The following EIF4G3 variants were observed in gnomAD, a reference collection of about 807,000 sequenced individuals.
EIF4G3 encodes eIF-4-gamma 3.
In EIF4G3, 34 loss-of-function variants were observed where a neutral mutation model predicts 186.4. The ratio of observed to expected loss-of-function variants is 0.18; its 90% CI spans 0.14 to 0.24. The LOEUF is 0.24. EIF4G3 is among the 10% of genes least tolerant of loss of function. The pLI is 1.00. For synonymous variants in EIF4G3, 673 were observed against 679.5 expected (o/e 0.99, Z 0.15); for missense variants, 1,536 against 1,948.5 (o/e 0.79, Z 3.99).
At chr1:20,840,176 T>A (rs551815755) in intron 30 of EIF4G3, among the ~76,000 whole-genome samples, 1 of 152,354 alleles carries the variant, frequency 6.6e-6, no homozygotes, top group African/African-American at 2.4e-5. Context: ...ATACACCCTA[T>A]GCCTGGGTAA....
chr1:21,016,731 G>C (rs1393723546), intron 4 of EIF4G3, among the ~76,000 whole-genome samples: 1 of 152,024 alleles, frequency 6.6e-6, no homozygotes, highest in Non-Finnish European at 1.5e-5. Flanking sequence ...CCCGAGATAG[G>C]TGGTCAAGAG....
intron 16 of EIF4G3, 87 bp from the exon 17 acceptor site, chr1:20,895,588 C>A: frequency 7.1e-7 from 1 of 1,409,266 alleles, no homozygotes; most frequent in Non-Finnish European, 9.8e-7. Context: ...CAATAACAAA[C>A]TGCATATACA....
intron 14 of EIF4G3, among the ~76,000 whole-genome samples, chr1:20,909,044 C>T (rs1249589649): frequency 2.6e-5 from 4 of 151,678 alleles, no homozygotes; most frequent in East Asian, 1.9e-4. Context: ...CCCAGCTACT[C>T]GGGAGGCTGA....
intron 8 of EIF4G3, 67 bp downstream of exon 8, chr1:20,982,321 T>C: frequency 8.8e-7 from 1 of 1,141,182 alleles, no homozygotes. Context: ...TCATTAGCAA[T>C]CAATCTCAAT....
At chr1:21,068,384 A>AAAAAAAAAAAAC (rs558019719) in intron 3 of EIF4G3, among the ~76,000 whole-genome samples, 1 of 148,754 alleles carries the variant, frequency 6.7e-6, no homozygotes, top group Non-Finnish European at 1.5e-5. Flanking sequence ...TTAAAAAAAA[A>AAAAAAAAAAAAC]AAAAAAAAAA....
chr1:21,078,918 G>A (rs182378243), intron 3 of EIF4G3, among the ~76,000 whole-genome samples: 81 of 152,298 alleles, frequency 5.3e-4, no homozygotes, highest in African/African-American at 1.9e-3. Flanking sequence ...CCAGGAGGCG[G>A]AGGCTGCAGT....
At chr1:21,055,560 G>A (rs769477977) in intron 3 of EIF4G3, among the ~76,000 whole-genome samples, 21 of 152,020 alleles carry the variant, frequency 1.4e-4, no homozygotes, top group Non-Finnish European at 2.4e-4. Flanking sequence ...ACTGTGAATG[G>A]GTTACTTTAC....
In EIF4G3 at chr1:20,836,906, CCTAT is replaced by C. The variant is rs1557849270; in HGVS notation, c.4061+3946_4061+3949del. On this transcript the variant is annotated intron_variant, in intron 30 of 36. Coordinates refer to ENST00000602326, the MANE Select transcript of EIF4G3 (RefSeq NM_001391906.1). ...ATGTACCTATACAATAATGCTTCTA[CCTAT>C]CTACCTACCAACCTAACTAGGGTCA... Among the ~76,000 whole-genome samples the C allele has an allele frequency of 2.0e-5, 3 of 152,280 alleles. 1 individual carries two copies. In the South Asian group the frequency reaches 6.2e-4, roughly 32 times the overall value.
chr1:21,040,073 C>T (rs1387554222), intron 4 of EIF4G3, among the ~76,000 whole-genome samples: 1 of 152,190 alleles, frequency 6.6e-6, no homozygotes, highest in Non-Finnish European at 1.5e-5. Context: ...ACCTTAGAAT[C>T]GCCAACGTCT....
chr1:21,125,771 TACACACACACACACACACACACAC>T (rs59291288), intron 2 of EIF4G3, among the ~76,000 whole-genome samples: 1 of 146,168 alleles, frequency 6.8e-6, no homozygotes, highest in Non-Finnish European at 1.5e-5. Flanking sequence ...TATATATATA[TACACACACACACACACACACACAC>T]ACACACACAC....
At chr1:21,071,909 G>A (rs973056723) in intron 3 of EIF4G3, among the ~76,000 whole-genome samples, 4 of 151,438 alleles carry the variant, frequency 2.6e-5, no homozygotes, top group African/African-American at 9.7e-5. Flanking sequence ...CAGAGAGAGA[G>A]AAGTAGCTTT....
Position 20,969,668 on chromosome 1 carries a change from G to A in EIF4G3, c.592-72C>T. On this transcript the variant is annotated intron_variant, in intron 11 of 36. Coordinates refer to ENST00000602326, the MANE Select transcript of EIF4G3 (RefSeq NM_001391906.1). ...AGCAAATTTATAGGCATATAAGTGA[G>A]TTAAAGGTGCAAACTGGGAAACCTG... is the stretch of plus-strand genomic sequence containing the variant. 3.4e-6 allele frequency: 5 copies of A among 1,472,560 alleles called. No individual in the cohort carries two copies. In the South Asian group the frequency reaches 6.1e-5, roughly 18 times the overall value. 91.2% of individuals were successfully genotyped at this position (1,472,560 alleles called of 1,614,324 possible).
At chr1:20,827,786 G>A (rs368311897) in intron 31 of EIF4G3, 88 bp from the exon 32 acceptor site, 554 of 814,500 alleles carry the variant, frequency 6.8e-4, no homozygotes, top group Middle Eastern at 5.3e-3. Context: ...CCAAAAACCA[G>A]ATACTGTGCA....
chr1:21,017,144 C>T (rs1005558943), intron 4 of EIF4G3, among the ~76,000 whole-genome samples: 10 of 152,036 alleles, frequency 6.6e-5, no homozygotes, highest in Non-Finnish European at 7.4e-5. Flanking sequence ...TAAAAAGAAG[C>T]GAGTTCTCAC....
chr1:21,152,205 C>G (rs1345848111), intron 2 of EIF4G3, among the ~76,000 whole-genome samples: 2 of 151,944 alleles, frequency 1.3e-5, no homozygotes, highest in African/African-American at 4.8e-5. Context: ...GGCACAGTGG[C>G]TCACGCCTAT....
intron 28 of EIF4G3, 76 bp downstream of exon 28, chr1:20,851,182 C>T: frequency 7.3e-7 from 1 of 1,368,516 alleles, no homozygotes; most frequent in Non-Finnish European, 1.0e-6. Context: ...AAAATCTACT[C>T]AGGCACAGTC....
In EIF4G3 at chr1:20,849,539, G is replaced by A. The variant is rs774182132; in HGVS notation, c.3773-9C>T. On this transcript the variant is annotated splice_polypyrimidine_tract_variant and intron_variant, in intron 28 of 36. Transcript: ENST00000602326. ...TGAAATTTCTGGTTTTGCTATTAGT[G>A]AGGCCCCCCAAAAAAAGTAAAAATA... 1 of 1,418,466 alleles carries A rather than the reference G, an allele frequency of 7.0e-7. No homozygotes were observed. The highest frequency in any genetic ancestry group is 1.4e-5 in the South Asian group (1 of 70,600). 87.9% of individuals were successfully genotyped at this position (1,418,466 alleles called of 1,614,324 possible). A position where few individuals can be genotyped will look rare whatever the true frequency, so the allele number is the denominator to read the frequency against.
intron 30 of EIF4G3, 95 bp downstream of exon 30, chr1:20,840,761 G>T: frequency 8.3e-7 from 1 of 1,198,358 alleles, no homozygotes; most frequent in Non-Finnish European, 1.2e-6. Context: ...TTCATCTATG[G>T]AAAAAACTAA....
At chr1:21,176,485 C>G (rs2098110595) in intron 1 of EIF4G3, 127 bp from the exon 2 acceptor site, 2 of 149,202 alleles carry the variant, frequency 1.3e-5, no homozygotes, top group African/African-American at 5.2e-5. Flanking sequence ...GGGGGCAGAC[C>G]CGGGGAGGCG....
Sources: gnomAD v4.1 joint callset for allele counts (sites outside exome capture counted in the v4.1 genomes callset) on GRCh38, gnomAD v4.1.1 for gene constraint, MANE v1.5 for transcripts, NCBI Gene and HGNC (gene_info 2026-07-23, HGNC 2026-07-21) for gene names.